DST: variants seen among roughly 807,000 people sequenced by gnomAD.
DST encodes the protein bullous pemphigoid antigen.
A neutral mutation model predicts 875.2 loss-of-function variants in DST; 253 were observed. The ratio of observed to expected loss-of-function variants is 0.29; its 90% CI spans 0.26 to 0.32. The LOEUF is 0.32. Among genes scored for constraint, DST ranks in the 10% least tolerant of loss-of-function variants. DST has a pLI of 1.00. For missense variants in DST, 8,287 were observed against 9,111.6 expected (o/e 0.91, Z 3.68); for synonymous variants, 3,124 against 3,197.1 (o/e 0.98, Z 0.77).
At chr6:56,897,689 C>G (rs1297436677) in intron 3 of DST, among the ~76,000 whole-genome samples, 1 of 152,108 alleles carries the variant, frequency 6.6e-6, no homozygotes, top group Non-Finnish European at 1.5e-5. Context: ...ATTGTCTGTC[C>G]ATCTCTTCCT....
chr6:56,666,831 A>G (rs182718154), intron 10 of DST, among the ~76,000 whole-genome samples: 21 of 150,352 alleles, frequency 1.4e-4, no homozygotes, highest in African/African-American at 4.4e-4. Flanking sequence ...GACCTCCTGG[A>G]CTCAAGCTAT....
chr6:56,482,249 T>A (rs2095426484), intron 89 of DST, 71 bp from the exon 90 acceptor site: 4 of 1,503,432 alleles, frequency 2.7e-6, no homozygotes, highest in Admixed American at 4.2e-5. Flanking sequence ...TTTACAAAAC[T>A]GTATAGTGGA....
intron 38 of DST, among the ~76,000 whole-genome samples, 163 bp downstream of exon 38, chr6:56,611,345 A>G (rs2098542782): frequency 6.6e-6 from 1 of 150,472 alleles, no homozygotes; most frequent in Non-Finnish European, 1.5e-5. Context: ...TAAAATTGAC[A>G]ATTAAATTAC....
intron 3 of DST, among the ~76,000 whole-genome samples, chr6:56,894,715 C>T (rs1207010662): frequency 5.1e-4 from 38 of 74,272 alleles, no homozygotes; most frequent in Non-Finnish European, 7.1e-4. Flanking sequence ...GGCTGACCCC[C>T]CCCACCTCCC....
rs183729851 is a variant in DST at position 56,638,688 on chromosome 6, T to G, written c.2964+571A>C. ...GATAAATCCCATCTCAATTTTCCAC[T>G]TCTGAATTTGAAATGTTCACTGCAC... On this transcript the variant is annotated intron_variant, in intron 22 of 103. Coordinates refer to ENST00000680361, the MANE Select transcript of DST (RefSeq NM_001374736.1). Among the ~76,000 whole-genome samples the G allele has an allele frequency of 2.0e-3, 306 of 152,298 alleles. 1 individual carries two copies. Among genetic ancestry groups the G allele is most frequent in the Non-Finnish European group, 2.6e-3 (174 of 67,998 alleles).
In DST at chr6:56,786,813, T is replaced by A. The variant is rs115897445; in HGVS notation, c.626-51524A>T. Among the ~76,000 whole-genome samples the A allele has an allele frequency of 3.4e-3, 521 of 152,202 alleles. 4 individuals are homozygous for A. Among genetic ancestry groups the A allele is most frequent in the African/African-American group, 0.012 (506 of 41,550 alleles). On this transcript the variant is annotated intron_variant, in intron 4 of 103. Coordinates refer to ENST00000680361, the MANE Select transcript of DST (RefSeq NM_001374736.1). ...GCTGGGATTACGTGGGAATCACCACTCCCAACCCCAATACCTTTTTAACCC... is the reference window on the plus strand; with the variant it reads ...GCTGGGATTACGTGGGAATCACCACACCCAACCCCAATACCTTTTTAACCC...
intron 3 of DST, among the ~76,000 whole-genome samples, chr6:56,878,908 G>A (rs1044215705): frequency 3.3e-5 from 5 of 152,090 alleles, no homozygotes; most frequent in East Asian, 1.9e-4. Context: ...ATTATTAGAC[G>A]AAGCAAAAAT....
intron 53 of DST, among the ~76,000 whole-genome samples, chr6:56,570,243 G>T (rs774427749): frequency 2.0e-5 from 3 of 152,052 alleles, no homozygotes; most frequent in Non-Finnish European, 4.4e-5. Context: ...GGCCAGGGAG[G>T]GGGGATGGTT....
In DST at chr6:56,670,055, C is replaced by A. The variant is rs141588189; in HGVS notation, c.1214+586G>T. 3.3e-3 allele frequency among the ~76,000 whole-genome samples: 505 copies of A among 151,916 alleles called. 3 individuals are homozygous for A. Among genetic ancestry groups the A allele is most frequent in the African/African-American group, 0.012 (489 of 41,396 alleles). ...TTCAAACTCAGCAGTTCTTTAGAGG[C>A]AAAATCAAAGTCTGCTATCTGCGAA... On this transcript the variant is annotated intron_variant, in intron 10 of 103. Transcript: ENST00000680361.
intron 4 of DST, among the ~76,000 whole-genome samples, chr6:56,848,687 G>A (rs1448093074): frequency 6.6e-6 from 1 of 152,112 alleles, no homozygotes; most frequent in Non-Finnish European, 1.5e-5. Context: ...CTCCATGTAT[G>A]ATTATTGTTT....
At chr6:56,583,579 G>A (rs2098076020) in intron 49 of DST, among the ~76,000 whole-genome samples, 1 of 152,094 alleles carries the variant, frequency 6.6e-6, no homozygotes, top group South Asian at 2.1e-4. Context: ...TTCTTTTGCT[G>A]TGCAGAAGCT....
intron 4 of DST, among the ~76,000 whole-genome samples, chr6:56,738,076 C>T (rs1331531226): frequency 6.6e-6 from 1 of 152,074 alleles, no homozygotes; most frequent in African/African-American, 2.4e-5. Context: ...ATATAACGTA[C>T]TTTTTATTTC....
At chr6:56,880,367 G>T (rs1267100424) in intron 3 of DST, among the ~76,000 whole-genome samples, 5 of 152,160 alleles carry the variant, frequency 3.3e-5, no homozygotes, top group African/African-American at 1.2e-4. Context: ...TTACTTCGGA[G>T]AAACCATTTT....
rs748011901 is a variant in DST, at chr6:56,900,540, C to T, written c.298G>A (p.Val100Met). 6.6e-6 allele frequency: 9 copies of T among 1,367,552 alleles called. No individual in the cohort carries two copies. In the South Asian group the frequency reaches 1.0e-4, roughly 16 times the overall value. The allele number at this position is 1,367,552 out of a possible 1,614,324, so 84.7% of individuals were successfully genotyped here. Residue 100 changes from valine to methionine, a missense_variant, in exon 3 of 104, where the codon GTG (valine) becomes ATG (methionine). Val to Met is a conservative substitution (Grantham distance 21). Coordinates refer to ENST00000680361, the MANE Select transcript of DST (RefSeq NM_001374736.1). ...AARLEEVKPVVEVHHQSEQET... is the reference protein window; with the variant it reads ...AARLEEVKPVMEVHHQSEQET... ...TGCTCACTCTGATGGTGAACTTCCA[C>T]CACGGGCTTCACTTCTTCCAGACGG...
intron 4 of DST, among the ~76,000 whole-genome samples, chr6:56,776,065 G>A (rs1440655424): frequency 1.7e-4 from 26 of 152,194 alleles, no homozygotes; most frequent in Admixed American, 1.7e-3. Flanking sequence ...ACATCATAGT[G>A]ACAAGTCATG....
Position 56,900,514 on chromosome 6 carries a change from T to C in DST, c.324A>G (p.Gln108=). 1 of 1,367,732 alleles carries C rather than the reference T, an allele frequency of 7.3e-7. No homozygotes were observed. Among genetic ancestry groups the C allele is most frequent in the Non-Finnish European group, 9.8e-7 (1 of 1,021,850 alleles). 84.7% of individuals were successfully genotyped at this position (1,367,732 alleles called of 1,614,324 possible). ...PVVEVHHQSE[Q]ETSVRKRRIK... is the part of the protein sequence containing the mutation. ...TTCTTCGTTTCCTCACTGAAGTTTC[T>C]TGCTCACTCTGATGGTGAACTTCCA... is the stretch of plus-strand genomic sequence containing the variant. The change falls in exon 3 of 104, where the codon CAA becomes CAG. Residue 108 remains glutamine, a synonymous_variant. Coordinates refer to ENST00000680361, the MANE Select transcript of DST (RefSeq NM_001374736.1).
At chr6:56,777,599 C>T (rs937223186) in intron 4 of DST, among the ~76,000 whole-genome samples, 2 of 152,046 alleles carry the variant, frequency 1.3e-5, no homozygotes, top group Admixed American at 6.5e-5. Flanking sequence ...TCACCAATCA[C>T]ATTCAGTCAC....
At chr6:56,852,042 G>A (rs1765558321) in intron 3 of DST, 3 of 1,424,316 alleles carry the variant, frequency 2.1e-6, no homozygotes, top group South Asian at 1.6e-5. Context: ...TCGAAGTTTC[G>A]AAAACAAAGC....
chr6:56,506,865 A>C, intron 75 of DST, 76 bp from the exon 76 acceptor site: 1 of 1,374,972 alleles, frequency 7.3e-7, no homozygotes, highest in Non-Finnish European at 9.6e-7. Context: ...CAACAATATC[A>C]ATGGTAGTTA....
Sources: allele counts gnomAD v4.1 joint callset (sites outside exome capture counted in the v4.1 genomes callset), GRCh38; gene constraint gnomAD v4.1.1; transcripts MANE v1.5; gene names NCBI Gene and HGNC (gene_info 2026-07-23, HGNC 2026-07-21).